PDGFC: variants seen among roughly 807,000 people sequenced by gnomAD.
The protein encoded by PDGFC is platelet derived growth factor C, also known as platelet-derived growth factor C.
In PDGFC, 12 loss-of-function variants were observed where a neutral mutation model predicts 35.5. The observed-to-expected ratio is 0.34, with a 90% CI of 0.22 to 0.55. The LOEUF (loss-of-function observed/expected upper bound fraction) is 0.55, where lower values mean the gene tolerates loss of function less well. PDGFC is among the 20% of genes least tolerant of loss of function. The pLI, the probability that PDGFC is intolerant of heterozygous loss-of-function variation, is 0.91. For synonymous variants in PDGFC, 159 were observed against 148.8 expected, an observed-to-expected ratio of 1.07 and a Z score of -0.50; for missense variants, 322 against 412.4, an observed-to-expected ratio of 0.78 and a Z score of 1.90.
intron 1 of PDGFC, among the ~76,000 whole-genome samples, chr4:156,901,270 C>G (rs1347937788): frequency 6.6e-6 from 1 of 152,182 alleles, no homozygotes; most frequent in African/African-American, 2.4e-5. Context: ...TCTACAAATG[C>G]TCCTAGAGAT....
At chr4:156,831,364 T>C (rs536332096) in intron 2 of PDGFC, among the ~76,000 whole-genome samples, 8 of 152,062 alleles carry the variant, frequency 5.3e-5, no homozygotes, top group Admixed American at 1.3e-4. Context: ...TCCTAGCTAG[T>C]TGGGTGGCTG....
chr4:156,906,161 A>C (rs1235380553), intron 1 of PDGFC, among the ~76,000 whole-genome samples: 3 of 152,202 alleles, frequency 2.0e-5, no homozygotes, highest in Non-Finnish European at 4.4e-5. Flanking sequence ...ATATTTTAAA[A>C]ACAAGAATAT....
chr4:156,847,388 CAT>C (rs1040165045), intron 2 of PDGFC, among the ~76,000 whole-genome samples: 2 of 151,728 alleles, frequency 1.3e-5, no homozygotes, highest in Admixed American at 1.3e-4. Context: ...CATGACAAAA[CAT>C]GTGAACAATC....
At chr4:156,876,152 T>C (rs994775344) in intron 1 of PDGFC, among the ~76,000 whole-genome samples, 1 of 152,140 alleles carries the variant, frequency 6.6e-6, no homozygotes, top group Non-Finnish European at 1.5e-5. Flanking sequence ...CATATAAAGT[T>C]TCCCTATGTC....
At chr4:156,950,662 G>GTTT (rs1732057960) in intron 1 of PDGFC, among the ~76,000 whole-genome samples, 1 of 151,606 alleles carries the variant, frequency 6.6e-6, no homozygotes, top group African/African-American at 2.4e-5. Context: ...TAGAAGAAAA[G>GTTT]TTCTTTTTTT....
chr4:156,925,329 T>C (rs1731381931), intron 1 of PDGFC, among the ~76,000 whole-genome samples: 1 of 152,062 alleles, frequency 6.6e-6, no homozygotes, highest in Non-Finnish European at 1.5e-5. Flanking sequence ...ATGGCAATCA[T>C]GAGTGGAAGC....
At chr4:156,926,172 GTTCA>G (rs1334228557) in intron 1 of PDGFC, among the ~76,000 whole-genome samples, 1 of 145,070 alleles carries the variant, frequency 6.9e-6, no homozygotes, top group African/African-American at 2.6e-5. Context: ...TCATTCTTTT[GTTCA>G]TTCAATGAAT....
intron 3 of PDGFC, among the ~76,000 whole-genome samples, chr4:156,777,893 T>C (rs1026081669): frequency 4.6e-5 from 7 of 151,858 alleles, no homozygotes; most frequent in Non-Finnish European, 8.8e-5. Flanking sequence ...ACTTGAGGTT[T>C]AGAAGTTCAA....
Position 156,767,848 on chromosome 4 carries a change from C to G in PDGFC, c.846G>C (p.Gly282=), listed in dbSNP as rs1195433276. The G allele has an allele frequency of 1.9e-6, 3 of 1,613,258 alleles. No individual in the cohort carries two copies. Among genetic ancestry groups the G allele is most frequent in the Non-Finnish European group, 2.5e-6 (3 of 1,179,486 alleles). Residue 282 remains glycine (G), a synonymous_variant, in exon 5 of 6, where the codon GGG becomes GGC. Coordinates refer to ENST00000502773, the MANE Select transcript of PDGFC (RefSeq NM_016205.3). ...AATTGTGGAGACAACAGGCACAGTT[C>G]CCACCACAGCGTTTAACCAGGAGAC... ...PGCLLVKRCG[G]NCACCLHNCN...
At chr4:156,825,593 T>TAATAATAATAAGAAG (rs1267062505) in intron 2 of PDGFC, among the ~76,000 whole-genome samples, 6 of 62,190 alleles carry the variant, frequency 9.6e-5, no homozygotes, top group African/African-American at 2.4e-4. Flanking sequence ...ATAATAATAA[T>TAATAATAATAAGAAG]AAGAAGAAGA....
At chr4:156,866,737 A>G (rs893762566) in intron 1 of PDGFC, among the ~76,000 whole-genome samples, 1 of 152,174 alleles carries the variant, frequency 6.6e-6, no homozygotes, top group Admixed American at 6.5e-5. Flanking sequence ...AACCAGTACT[A>G]TCTATATTTA....
At chr4:156,924,208 T>A (rs1173318704) in intron 1 of PDGFC, among the ~76,000 whole-genome samples, 1 of 152,182 alleles carries the variant, frequency 6.6e-6, no homozygotes, top group Non-Finnish European at 1.5e-5. Context: ...TAGCACACAG[T>A]CAAGTGTTTA....
chr4:156,850,110 T>C, intron 2 of PDGFC, 111 bp downstream of exon 2: 1 of 543,534 alleles, frequency 1.8e-6, no homozygotes, highest in Non-Finnish European at 3.1e-6. Flanking sequence ...TCTTAGATCA[T>C]CAGAAAAATA....
chr4:156,867,691 T>C (rs1182583428), intron 1 of PDGFC, among the ~76,000 whole-genome samples: 1 of 152,186 alleles, frequency 6.6e-6, no homozygotes, highest in Non-Finnish European at 1.5e-5. Flanking sequence ...TTTAAGTGAC[T>C]TATCGCTCCT....
chr4:156,797,358 A>G (rs1320031567), intron 3 of PDGFC, among the ~76,000 whole-genome samples: 1 of 152,162 alleles, frequency 6.6e-6, no homozygotes, highest in Non-Finnish European at 1.5e-5. Context: ...CCCCACTTCA[A>G]CCAGAATAGG....
intron 1 of PDGFC, among the ~76,000 whole-genome samples, chr4:156,891,351 T>C (rs1010038669): frequency 2.8e-5 from 4 of 141,194 alleles, no homozygotes. Flanking sequence ...TATTATCCTA[T>C]GGGACCATCT....
At chr4:156,861,650 A>G (rs1275290083) in intron 1 of PDGFC, among the ~76,000 whole-genome samples, 2 of 152,100 alleles carry the variant, frequency 1.3e-5, no homozygotes, top group Non-Finnish European at 2.9e-5. Context: ...TCAGTCAATG[A>G]ACTTTTATTC....
intron 1 of PDGFC, among the ~76,000 whole-genome samples, chr4:156,855,782 A>G (rs1446252611): frequency 6.6e-6 from 1 of 152,086 alleles, no homozygotes. Context: ...ATCTGCTTTC[A>G]ATCTCCTTAA....
At chr4:156,817,200 A>G (rs1437676174) in intron 2 of PDGFC, among the ~76,000 whole-genome samples, 1 of 152,190 alleles carries the variant, frequency 6.6e-6, no homozygotes, top group African/African-American at 2.4e-5. Context: ...TTACAAAGCT[A>G]GAAAAATTAA....
Sources: gnomAD v4.1 joint callset for allele counts (sites outside exome capture counted in the v4.1 genomes callset) on GRCh38, gnomAD v4.1.1 for gene constraint, MANE v1.5 for transcripts, NCBI Gene and HGNC (gene_info 2026-07-23, HGNC 2026-07-21) for gene names.